CADM1: variants seen among roughly 807,000 people sequenced by gnomAD.
CADM1 encodes the protein cell adhesion molecule 1, also known as TSLC-1.
CADM1 carries 15 observed loss-of-function variants against 53.1 expected under a neutral mutation model. The ratio of observed to expected loss-of-function variants is 0.28; its 90% confidence interval spans 0.19 to 0.44. The LOEUF (loss-of-function observed/expected upper bound fraction) is 0.44, where lower values mean the gene tolerates loss of function less well. CADM1 is among the 20% of genes least tolerant of loss of function. CADM1 has a pLI of 1.00. For missense variants in CADM1, 434 were observed against 611.3 expected (o/e 0.71, Z 3.06); for synonymous variants, 281 against 243.0 (o/e 1.16, Z -1.45).
chr11:115,290,968 C>T (rs1176935655), intron 1 of CADM1, among the ~76,000 whole-genome samples: 2 of 152,206 alleles, frequency 1.3e-5, no homozygotes, highest in African/African-American at 4.8e-5. Flanking sequence ...CGCAGATCAC[C>T]TTCAGCTGCC....
chr11:115,288,461 GA>G (rs58675187), intron 1 of CADM1, among the ~76,000 whole-genome samples: 52,780 of 148,896 alleles, frequency 0.35, 11,343 homozygotes, highest in East Asian at 0.65. Context: ...TTATGATTAA[GA>G]AAAAAAAAAA....
At chr11:115,382,012 T>C (rs921229151) in intron 1 of CADM1, among the ~76,000 whole-genome samples, 16 of 152,088 alleles carry the variant, frequency 1.1e-4, no homozygotes, top group African/African-American at 3.6e-4. Flanking sequence ...ACCGGGCTAG[T>C]TTTTGTATTT....
intron 8 of CADM1, among the ~76,000 whole-genome samples, chr11:115,200,846 G>C (rs1159290767): frequency 6.6e-6 from 1 of 152,148 alleles, no homozygotes; most frequent in Admixed American, 6.5e-5. Context: ...AGAAGGGCGG[G>C]GGGTGGAGTA....
intron 1 of CADM1, among the ~76,000 whole-genome samples, chr11:115,457,283 T>C (rs1426610716): frequency 6.6e-6 from 1 of 152,184 alleles, no homozygotes; most frequent in Non-Finnish European, 1.5e-5. Context: ...CCTCTGCACA[T>C]TAGAGGTGCT....
At chr11:115,404,345 AAATATATAT>A (rs1947250855) in intron 1 of CADM1, among the ~76,000 whole-genome samples, 2 of 40,788 alleles carry the variant, frequency 4.9e-5, no homozygotes, top group African/African-American at 8.7e-5. Flanking sequence ...AAAAAAAAAA[AAATATATAT>A]ATATATATAT....
At chr11:115,355,215 C>T (rs566038596) in intron 1 of CADM1, among the ~76,000 whole-genome samples, 2 of 152,270 alleles carry the variant, frequency 1.3e-5, no homozygotes, top group African/African-American at 2.4e-5. Flanking sequence ...AACCTAAATA[C>T]CCATTAATGG....
chr11:115,383,989 T>C (rs1270761517), intron 1 of CADM1, among the ~76,000 whole-genome samples: 2 of 151,966 alleles, frequency 1.3e-5, no homozygotes, highest in Non-Finnish European at 2.9e-5. Context: ...TTCATCTGTG[T>C]AGAGAAACAC....
intron 1 of CADM1, among the ~76,000 whole-genome samples, chr11:115,499,654 A>G (rs1204867743): frequency 6.6e-6 from 1 of 152,262 alleles, no homozygotes; most frequent in African/African-American, 2.4e-5. Context: ...ACCTGTCCCT[A>G]TCCAGGATCT....
intron 1 of CADM1, among the ~76,000 whole-genome samples, chr11:115,283,854 C>A (rs2135086696): frequency 6.6e-6 from 1 of 152,240 alleles, no homozygotes; most frequent in Non-Finnish European, 1.5e-5. Flanking sequence ...CTTACAAGTC[C>A]CCACTACACT....
intron 1 of CADM1, among the ~76,000 whole-genome samples, chr11:115,285,436 T>C (rs1362667380): frequency 6.6e-6 from 1 of 152,194 alleles, no homozygotes; most frequent in East Asian, 1.9e-4. Flanking sequence ...CCATTTTAAG[T>C]GAGGAAGCTG....
intron 1 of CADM1, among the ~76,000 whole-genome samples, chr11:115,329,409 C>T (rs1565368666): frequency 6.6e-6 from 1 of 151,992 alleles, no homozygotes; most frequent in African/African-American, 2.4e-5. Context: ...GAAGTCTATC[C>T]TCTATCACTA....
chr11:115,351,662 T>A (rs1040324788), intron 1 of CADM1, among the ~76,000 whole-genome samples: 1 of 152,302 alleles, frequency 6.6e-6, no homozygotes, highest in Admixed American at 6.5e-5. Flanking sequence ...TCTCCAGATA[T>A]GTAAAATAAA....
intron 9 of CADM1, among the ~76,000 whole-genome samples, chr11:115,194,701 G>C (rs67161124): frequency 0.15 from 23,220 of 152,028 alleles, 1,887 homozygotes; most frequent in East Asian, 0.29. Flanking sequence ...CGGAGACAGA[G>C]AGACCTCAAA....
At chr11:115,217,860 AC>A in intron 6 of CADM1, 31 bp downstream of exon 6, 1 of 1,367,326 alleles carries the variant, frequency 7.3e-7, no homozygotes, top group Non-Finnish European at 1.0e-6. Flanking sequence ...ACTGCGCATG[AC>A]CCTCTGCCAA....
intron 8 of CADM1, 63 bp from the exon 9 acceptor site, chr11:115,198,501 G>T: frequency 7.4e-7 from 1 of 1,353,196 alleles, no homozygotes; most frequent in Middle Eastern, 1.8e-4. Context: ...TGCAAAAAAA[G>T]GGAAAATGGA....
intron 1 of CADM1, among the ~76,000 whole-genome samples, chr11:115,408,281 A>G (rs946961653): frequency 1.3e-5 from 2 of 152,210 alleles, no homozygotes; most frequent in African/African-American, 4.8e-5. Flanking sequence ...TCCTCTGCCT[A>G]AAGGAAATGT....
chr11:115,478,266 G>C (rs1200645017), intron 1 of CADM1, among the ~76,000 whole-genome samples: 1 of 151,770 alleles, frequency 6.6e-6, no homozygotes, highest in Non-Finnish European at 1.5e-5. Flanking sequence ...GTCCATCAAA[G>C]CATACTCAAT....
intron 1 of CADM1, among the ~76,000 whole-genome samples, chr11:115,453,615 C>T (rs1024208366): frequency 4.6e-5 from 7 of 152,118 alleles, no homozygotes; most frequent in African/African-American, 7.2e-5. Context: ...TCTCCTGCCT[C>T]GGCCTCCAGA....
intron 1 of CADM1, among the ~76,000 whole-genome samples, chr11:115,477,682 A>T (rs562255085): frequency 2.4e-4 from 37 of 152,370 alleles, no homozygotes; most frequent in African/African-American, 8.2e-4. Context: ...ATAAACGGCC[A>T]GACCATGTGC....
Sources: gnomAD v4.1 joint callset for allele counts (sites outside exome capture counted in the v4.1 genomes callset) on GRCh38, gnomAD v4.1.1 for gene constraint, MANE v1.5 for transcripts, NCBI Gene and HGNC (gene_info 2026-07-23, HGNC 2026-07-21) for gene names.